Variants in ARPP21 observed in about 807,000 individuals in gnomAD.
The protein encoded by ARPP21 is cAMP-regulated phosphoprotein 21.
ARPP21 carries 69 observed loss-of-function variants against 113.2 expected under a neutral mutation model. The ratio of observed to expected loss-of-function variants is 0.61; its 90% CI spans 0.50 to 0.74. The LOEUF (loss-of-function observed/expected upper bound fraction) is 0.74, where lower values mean the gene tolerates loss of function less well. Ranked by LOEUF, ARPP21 falls within the 30% of genes least tolerant of loss-of-function variation. The probability of loss-of-function intolerance (pLI) is 0.00; values close to 1 mark genes in which losing one functional copy is unlikely to be tolerated. For synonymous variants in ARPP21, 368 were observed against 375.5 expected, an observed-to-expected ratio of 0.98 and a Z score of 0.23; for missense variants, 1,070 against 1,037.4, an observed-to-expected ratio of 1.03 and a Z score of -0.43.
At chr3:35,719,158 A>T (rs1394965152) in intron 13 of ARPP21, among the ~76,000 whole-genome samples, 1 of 151,852 alleles carries the variant, frequency 6.6e-6, no homozygotes, top group South Asian at 2.1e-4. Context: ...GTTTTCTACA[A>T]TGCCTATGAT....
chr3:35,684,271 C>T (rs1026010579), intron 5 of ARPP21: 1 of 1,179,758 alleles, frequency 8.5e-7, no homozygotes, highest in Non-Finnish European at 1.1e-6. Flanking sequence ...GAATAAGGTG[C>T]ATTTAACTTT....
chr3:35,707,086 G>T lies in ARPP21; in HGVS notation c.795+4G>T. 6.2e-7 allele frequency: 1 copy of T among 1,608,030 alleles called. No individual in the cohort carries two copies. The highest frequency in any genetic ancestry group is 8.5e-7 in the Non-Finnish European group (1 of 1,176,156). ...TATTGATAAAGAAGACAATCAGGTT[G>T]GTTCTCAAGTTTGAGAGTGGCTGAC... is the stretch of plus-strand genomic sequence containing the variant. On this transcript the variant is annotated splice_donor_region_variant and intron_variant, in intron 10 of 20. Coordinates refer to ENST00000684406, the MANE Select transcript of ARPP21 (RefSeq NM_001385562.1).
chr3:35,646,652 T>G (rs1157355848), intron 1 of ARPP21, among the ~76,000 whole-genome samples: 2 of 152,174 alleles, frequency 1.3e-5, no homozygotes, highest in Non-Finnish European at 2.9e-5. Context: ...ATGTGGCACA[T>G]AGCTGTATTA....
chr3:35,739,859 C>G (rs996945470), intron 18 of ARPP21, among the ~76,000 whole-genome samples: 1 of 152,164 alleles, frequency 6.6e-6, no homozygotes, highest in African/African-American at 2.4e-5. Context: ...AGAAAGCATT[C>G]CCTCCCATGT....
chr3:35,715,328 C>T, intron 11 of ARPP21, 111 bp from the exon 12 acceptor site: 1 of 832,958 alleles, frequency 1.2e-6, no homozygotes, highest in Non-Finnish European at 2.0e-6. Flanking sequence ...ACCTATTTTT[C>T]TTAATTCTTT....
chr3:35,673,321 A>G (rs1003404232), intron 1 of ARPP21, among the ~76,000 whole-genome samples: 3 of 152,002 alleles, frequency 2.0e-5, no homozygotes, highest in African/African-American at 7.2e-5. Context: ...ATATGCTCAC[A>G]TTTTGCCTTT....
chr3:35,747,670 C>A (rs571401641), intron 19 of ARPP21, among the ~76,000 whole-genome samples: 78 of 152,176 alleles, frequency 5.1e-4, no homozygotes, highest in African/African-American at 1.8e-3. Context: ...GTAGTCCCAG[C>A]AACTTGGAGG....
At chr3:35,719,930 T>C (rs1263513034) in intron 13 of ARPP21, among the ~76,000 whole-genome samples, 1 of 152,174 alleles carries the variant, frequency 6.6e-6, no homozygotes, top group African/African-American at 2.4e-5. Flanking sequence ...ATTTGGAGAT[T>C]TAAAGAGAAG....
chr3:35,768,406 C>T (rs1463797312), intron 19 of ARPP21, among the ~76,000 whole-genome samples: 1 of 152,040 alleles, frequency 6.6e-6, no homozygotes, highest in African/African-American at 2.4e-5. Context: ...AAATATGGAA[C>T]ATTGGCTAAC....
chr3:35,743,804 T>C (rs6550367), intron 18 of ARPP21, 35 bp from the exon 19 acceptor site: 761,852 of 1,600,262 alleles, frequency 0.48, 186,265 homozygotes, highest in African/African-American at 0.54. Flanking sequence ...TATCTACATT[T>C]TCATTCTCTG....
At chr3:35,640,691 A>G (rs979171077) in intron 1 of ARPP21, among the ~76,000 whole-genome samples, 8 of 152,218 alleles carry the variant, frequency 5.3e-5, no homozygotes, top group Non-Finnish European at 1.2e-4. Flanking sequence ...TATGGTAGAA[A>G]GTTTGCAATG....
intron 5 of ARPP21, chr3:35,684,080 A>G: frequency 6.3e-7 from 1 of 1,585,138 alleles, no homozygotes; most frequent in Non-Finnish European, 8.6e-7. Flanking sequence ...AAGTTAAATA[A>G]AAAGTAGGCA....
At chr3:35,659,670 G>A (rs552446114) in intron 1 of ARPP21, among the ~76,000 whole-genome samples, 7 of 152,194 alleles carry the variant, frequency 4.6e-5, no homozygotes, top group Admixed American at 1.3e-4. Context: ...AAAAGTGGGC[G>A]GTAGAGAGCT....
rs1444563500 is a variant in ARPP21 at position 35,687,764 on chromosome 3, GT to G, written c.292del (p.Ser98ProfsTer50). 1.2e-6 allele frequency: 2 copies of G among 1,602,532 alleles called. No homozygotes were observed. Among genetic ancestry groups the G allele is most frequent in the South Asian group, 1.1e-5 (1 of 88,464 alleles). On this transcript the variant is annotated frameshift_variant, in exon 6 of 21. Transcript: ENST00000684406. LOFTEE classifies it high-confidence loss of function. ...GAATCAATTCATTTACAGCTTTCCA[GT>G]TTTTCCAGCCTGCAAGAGGAGGATA... Reference protein sequence around the residue: ...DQESIHLQLSSFSSLQEEDKS... With the variant: ...DQESIHLQLSXFSSLQEEDKS...
chr3:35,741,886 G>T (rs2094686680), intron 18 of ARPP21, among the ~76,000 whole-genome samples: 1 of 152,088 alleles, frequency 6.6e-6, no homozygotes, highest in African/African-American at 2.4e-5. Context: ...GCTTCATCCG[G>T]TTGGGGATCA....
intron 9 of ARPP21, among the ~76,000 whole-genome samples, chr3:35,706,511 T>A (rs2089130625): frequency 6.6e-6 from 1 of 152,176 alleles, no homozygotes; most frequent in East Asian, 1.9e-4. Context: ...AGTGATCCTC[T>A]CTCACTACAC....
At chr3:35,743,430 A>G (rs2094801233) in intron 18 of ARPP21, among the ~76,000 whole-genome samples, 2 of 152,302 alleles carry the variant, frequency 1.3e-5, no homozygotes, top group African/African-American at 4.8e-5. Context: ...CTACACTTAC[A>G]TGCCTGGAAC....
At chr3:35,774,268 T>TA (rs1305683312) in intron 19 of ARPP21, among the ~76,000 whole-genome samples, 1 of 152,082 alleles carries the variant, frequency 6.6e-6, no homozygotes, top group Non-Finnish European at 1.5e-5. Context: ...TCCCATATGA[T>TA]AAAAAATGTT....
At chr3:35,779,731 C>T (rs1398826059) in intron 19 of ARPP21, among the ~76,000 whole-genome samples, 1 of 152,140 alleles carries the variant, frequency 6.6e-6, no homozygotes. Context: ...CTCACATTTA[C>T]AACCTAAAAA....
Sources: gnomAD v4.1 joint callset for allele counts (sites outside exome capture counted in the v4.1 genomes callset) on GRCh38, gnomAD v4.1.1 for gene constraint, MANE v1.5 for transcripts, NCBI Gene and HGNC (gene_info 2026-07-23, HGNC 2026-07-21) for gene names.